The following POC1A variants were observed in gnomAD, a reference collection of about 807,000 sequenced individuals.
POC1A encodes POC1 centriolar protein homolog A.
POC1A carries 34 observed loss-of-function variants against 47.8 expected under a neutral mutation model. The observed-to-expected ratio is 0.71, with a 90% CI of 0.54 to 0.95. POC1A has a LOEUF of 0.95. Among genes scored for constraint, POC1A ranks in the 40% least tolerant of loss-of-function variants. The probability of loss-of-function intolerance (pLI) is 0.00; values close to 1 mark genes in which losing one functional copy is unlikely to be tolerated. For synonymous variants in POC1A, 177 were observed against 207.6 expected (o/e 0.85, Z 1.27); for missense variants, 466 against 528.3 (o/e 0.88, Z 1.16).
chr3:52,137,139 C>T (rs773790763), intron 7 of POC1A, among the ~76,000 whole-genome samples: 15 of 152,156 alleles, frequency 9.9e-5, no homozygotes, highest in Non-Finnish European at 1.8e-4. Flanking sequence ...ACTAGTCCTG[C>T]ACACTGGATA....
intron 9 of POC1A, among the ~76,000 whole-genome samples, chr3:52,100,862 C>A (rs1026777907): frequency 6.6e-6 from 1 of 152,072 alleles, no homozygotes; most frequent in African/African-American, 2.4e-5. Context: ...GCCAGGACCT[C>A]TCCCCTGTAG....
At chr3:52,105,921 G>A (rs570734349) in intron 9 of POC1A, among the ~76,000 whole-genome samples, 23 of 152,358 alleles carry the variant, frequency 1.5e-4, no homozygotes, top group Admixed American at 7.2e-4. Flanking sequence ...CAGGCCGGGT[G>A]TGGTGGCTCA....
intron 8 of POC1A, among the ~76,000 whole-genome samples, chr3:52,123,090 G>C (rs1282401108): frequency 6.6e-6 from 1 of 152,212 alleles, no homozygotes; most frequent in Admixed American, 6.5e-5. Flanking sequence ...ACTGGGATAA[G>C]CCTAGTTCCC....
rs1257520170 is a variant in POC1A, at chr3:52,138,262, C to T, written c.720G>A (p.Ser240=). The change falls in exon 7 of 11, where the codon TCG becomes TCA. Residue 240 remains serine (S), a synonymous_variant. Coordinates refer to ENST00000296484, the MANE Select transcript of POC1A (RefSeq NM_015426.5). The part of the protein sequence containing the change: ...AAVNGLSFHP[S]GNYLITASSD... Reference sequence around the variant, plus strand: ...TGGAGGCTGTGATCAGGTAGTTTCCCGACGGGTGGAAAGAGAGCCCGTTCA... The same window carrying T: ...TGGAGGCTGTGATCAGGTAGTTTCCTGACGGGTGGAAAGAGAGCCCGTTCA... The T allele has an allele frequency of 5.6e-6, 9 of 1,613,870 alleles. No homozygotes were observed. The highest frequency in any genetic ancestry group is 3.3e-5 in the Admixed American group (2 of 59,984).
chr3:52,154,270 C>A, intron 1 of POC1A, 85 bp downstream of exon 1: 11 of 1,414,038 alleles, frequency 7.8e-6, no homozygotes, highest in South Asian at 2.5e-5. Flanking sequence ...CCGCCCGCCC[C>A]TCGCAGCCAT....
chr3:52,077,344 A>C (rs1300630576), intron 10 of POC1A, among the ~76,000 whole-genome samples: 1 of 152,270 alleles, frequency 6.6e-6, no homozygotes, highest in Non-Finnish European at 1.5e-5. Flanking sequence ...TAAAACATTG[A>C]AACATTTTAG....
intron 10 of POC1A, among the ~76,000 whole-genome samples, chr3:52,092,425 G>A (rs934104688): frequency 2.6e-5 from 4 of 152,198 alleles, no homozygotes; most frequent in African/African-American, 9.7e-5. Flanking sequence ...AGGATCACCT[G>A]GCCTCCTGGA....
chr3:52,146,992 C>T lies in POC1A; in HGVS notation c.559G>A (p.Gly187Ser). Residue 187 changes from glycine to serine, a missense_variant, in exon 5 of 11, where the codon GGC becomes AGC. Physicochemically the swap from Gly to Ser is moderately conservative, Grantham distance 56 (BLOSUM62 0). Transcript: ENST00000296484. ...GGACAGCATCTGGGGACTCACCCGC[C>T]ATGCTCACAATACGAGTGGACACAT... ...RECVHSYCEH[G>S]GFVTYVDFHP... The T allele has an allele frequency of 1.9e-6, 3 of 1,613,332 alleles. No homozygotes were observed. Among genetic ancestry groups the T allele is most frequent in the Non-Finnish European group, 2.5e-6 (3 of 1,179,230 alleles).
intron 10 of POC1A, among the ~76,000 whole-genome samples, chr3:52,091,081 C>T (rs1702629323): frequency 6.6e-6 from 1 of 152,196 alleles, no homozygotes; most frequent in Admixed American, 6.5e-5. Context: ...GGGGTCAAGC[C>T]AACTTTCTCA....
At chr3:52,081,454 C>T (rs947425991) in intron 10 of POC1A, among the ~76,000 whole-genome samples, 8 of 152,180 alleles carry the variant, frequency 5.3e-5, no homozygotes, top group Admixed American at 6.5e-5. Flanking sequence ...CACAGTTCAA[C>T]GAGGCAGATG....
intron 1 of POC1A, 21 bp from the exon 2 acceptor site, chr3:52,151,121 A>T: frequency 2.5e-6 from 4 of 1,612,894 alleles, no homozygotes; most frequent in Non-Finnish European, 3.4e-6. Context: ...GCCAGGGTCA[A>T]ATGTGTGAAG....
At chr3:52,104,996 C>T (rs1352595315) in intron 9 of POC1A, among the ~76,000 whole-genome samples, 2 of 152,234 alleles carry the variant, frequency 1.3e-5, no homozygotes, top group African/African-American at 4.8e-5. Context: ...GAACTTTCTA[C>T]TTTTCTTTTA....
chr3:52,135,931 C>T (rs1014792141), intron 7 of POC1A, among the ~76,000 whole-genome samples: 1 of 152,120 alleles, frequency 6.6e-6, no homozygotes, highest in East Asian at 1.9e-4. Context: ...TGACTTGCCA[C>T]CACCAGTTGG....
At chr3:52,117,604 G>C (rs1463114141) in intron 9 of POC1A, among the ~76,000 whole-genome samples, 1 of 152,154 alleles carries the variant, frequency 6.6e-6, no homozygotes, top group Non-Finnish European at 1.5e-5. Flanking sequence ...ATGAGATCTT[G>C]AGAGGTGAGT....
intron 10 of POC1A, among the ~76,000 whole-genome samples, chr3:52,076,828 G>A (rs531633024): frequency 6.6e-6 from 1 of 152,232 alleles, no homozygotes; most frequent in South Asian, 2.1e-4. Flanking sequence ...GCTCACCTGC[G>A]GACCTGGCTG....
chr3:52,103,507 C>A (rs1256543970), intron 9 of POC1A, among the ~76,000 whole-genome samples: 1 of 152,014 alleles, frequency 6.6e-6, no homozygotes, highest in African/African-American at 2.4e-5. Flanking sequence ...GCCTGGGCAA[C>A]AAAGCAAGAC....
chr3:52,113,449 T>G (rs980467072), intron 9 of POC1A, among the ~76,000 whole-genome samples: 5 of 152,206 alleles, frequency 3.3e-5, no homozygotes, highest in African/African-American at 1.2e-4. Flanking sequence ...ACGCCTGCAA[T>G]CCCAGCATTT....
At chr3:52,112,590 C>A (rs1466371359) in intron 9 of POC1A, among the ~76,000 whole-genome samples, 1 of 152,002 alleles carries the variant, frequency 6.6e-6, no homozygotes, top group Non-Finnish European at 1.5e-5. Context: ...TGCAGTGAGC[C>A]GAGATCGCAC....
intron 6 of POC1A, among the ~76,000 whole-genome samples, chr3:52,139,352 GA>G (rs936134095): frequency 5.3e-5 from 8 of 152,136 alleles, no homozygotes; most frequent in African/African-American, 1.9e-4. Flanking sequence ...CCCTGTCCAT[GA>G]CTCTCTTTTC....
Sources: gnomAD v4.1 joint callset for allele counts (sites outside exome capture counted in the v4.1 genomes callset) on GRCh38, gnomAD v4.1.1 for gene constraint, MANE v1.5 for transcripts, NCBI Gene and HGNC (gene_info 2026-07-23, HGNC 2026-07-21) for gene names.